TIGAR: variants seen among roughly 807,000 people sequenced by gnomAD.
The protein encoded by TIGAR is TP53 induced glycolysis regulatory phosphatase.
A neutral mutation model predicts 17.9 loss-of-function variants in TIGAR; 7 were observed. The ratio of observed to expected loss-of-function variants is 0.39; its 90% CI spans 0.22 to 0.73. TIGAR has a LOEUF of 0.73. Ranked by LOEUF, TIGAR falls within the 30% of genes least tolerant of loss-of-function variation. The pLI is 0.42. For synonymous variants in TIGAR, 94 were observed against 108.6 expected, an observed-to-expected ratio of 0.87 and a Z score of 0.84; for missense variants, 258 against 327.4, an observed-to-expected ratio of 0.79 and a Z score of 1.64.
In TIGAR at chr12:4,358,311, A is replaced by G. The variant is rs1864934237; in HGVS notation, c.*5620A>G. Among the ~76,000 whole-genome samples the G allele has an allele frequency of 6.6e-6, 1 of 152,014 alleles. No individual in the cohort carries two copies. The highest frequency in any genetic ancestry group is 1.5e-5 in the Non-Finnish European group (1 of 67,996). ...CCAAAAAAAAAAAAAAAGAAAAAGA[A>G]AAATCACTGAGCTACTGTATCCTCA... On this transcript the variant is annotated 3_prime_UTR_variant, in exon 6 of 6. Transcript: ENST00000179259.
rs12311149 is a variant in TIGAR, at chr12:4,330,059, G to A, written c.33-1221G>A. ...TCATATTGGCCAAATCCAGCAATCT[G>A]TATCTTGGCAGAGGTTGGCATACAG... On this transcript the variant is annotated intron_variant, in intron 1 of 5. Transcript: ENST00000179259. Among the ~76,000 whole-genome samples the A allele has an allele frequency of 7.3e-3, 1,117 of 152,232 alleles. 21 individuals carry two copies. The highest frequency in any genetic ancestry group is 0.024 in the African/African-American group (1,013 of 41,542).
chr12:4,350,785 A>G (rs1864829912), intron 4 of TIGAR, among the ~76,000 whole-genome samples: 1 of 151,954 alleles, frequency 6.6e-6, no homozygotes, highest in Admixed American at 6.6e-5. Context: ...TCAAAAAAAA[A>G]AAAAAGAAAA....
Position 4,337,160 on chromosome 12 carries a change from G to T in TIGAR, c.192G>T (p.Gln64His). Residue 64 changes from glutamine (Q) to histidine (H), a missense_variant and splice_region_variant, in exon 3 of 6, where the codon CAG becomes CAT. Physicochemically the swap from Gln to His is conservative, Grantham distance 24. Transcript: ENST00000179259. ...CCAGTGATCTCATGAGGACAAAGCA[G>T]GTACATTTATTTATTTATTTATTTT... The part of the protein sequence containing the change: ...AFSSDLMRTK[Q>H]TMHGILERSK... The T allele has an allele frequency of 6.3e-7, 1 of 1,597,748 alleles. No homozygotes were observed. The highest frequency in any genetic ancestry group is 8.6e-7 in the Non-Finnish European group (1 of 1,167,432).
chr12:4,337,198 C>T (rs113111451), intron 3 of TIGAR, 38 bp downstream of exon 3: 1 of 1,519,106 alleles, frequency 6.6e-7, no homozygotes, highest in Non-Finnish European at 9.0e-7. Context: ...GACAGAGCGT[C>T]ACTCTATGCC....
In TIGAR at chr12:4,358,602, A is replaced by C. The variant is rs544178597; in HGVS notation, c.*5911A>C. ...TCAATGTGTGTTTCCTGAGATCAAC[A>C]ATGTTCTTATATATAACCCAGAATA... On this transcript the variant is annotated 3_prime_UTR_variant, in exon 6 of 6. Coordinates refer to ENST00000179259, the MANE Select transcript of TIGAR (RefSeq NM_020375.3). Among the ~76,000 whole-genome samples the C allele has an allele frequency of 2.0e-5, 3 of 151,594 alleles. No homozygotes were observed. The highest frequency in any genetic ancestry group is 2.9e-5 in the Non-Finnish European group (2 of 68,000).
At chr12:4,347,092 T>C (rs989525093) in intron 3 of TIGAR, among the ~76,000 whole-genome samples, 8 of 152,210 alleles carry the variant, frequency 5.3e-5, no homozygotes, top group African/African-American at 1.9e-4. Flanking sequence ...TGAAGAGATA[T>C]CTGCACTCCC....
At position 4,357,828 on chromosome 12, in the gene TIGAR, G is replaced by C. The variant is rs1163250550; in HGVS notation, c.*5137G>C. 6.6e-6 allele frequency among the ~76,000 whole-genome samples: 1 copy of C among 152,214 alleles called. No homozygotes were observed. The highest frequency in any genetic ancestry group is 2.4e-5 in the African/African-American group (1 of 41,450). On this transcript the variant is annotated 3_prime_UTR_variant, in exon 6 of 6. Transcript: ENST00000179259. ...ACCAAGCAATCGCTGAGGTGGCTGG[G>C]CGTGGTGGCTCGCACCTGTAATCCC...
At chr12:4,323,221 G>A (rs1344687490) in intron 1 of TIGAR, among the ~76,000 whole-genome samples, 1 of 152,006 alleles carries the variant, frequency 6.6e-6, no homozygotes, top group South Asian at 2.1e-4. Context: ...GCTGTAGTGA[G>A]CTGTGATTGG....
intron 3 of TIGAR, among the ~76,000 whole-genome samples, chr12:4,346,496 A>G (rs906548204): frequency 6.6e-6 from 1 of 152,182 alleles, no homozygotes; most frequent in African/African-American, 2.4e-5. Flanking sequence ...TCAGCAAACC[A>G]TGGCAAGGAC....
chr12:4,352,856 G>A lies in TIGAR; in HGVS notation c.*165G>A. On this transcript the variant is annotated 3_prime_UTR_variant, in exon 6 of 6. Transcript: ENST00000179259. ...TAAAACTTTAATGGACAACCATATA[G>A]AATTAACTTATTTTGTCCAAGTACA... The A allele has an allele frequency of 1.6e-6, 1 of 613,154 alleles. No homozygotes were observed. The highest frequency in any genetic ancestry group is 2.8e-6 in the Non-Finnish European group (1 of 361,782). 38.0% of individuals were successfully genotyped at this position (613,154 alleles called of 1,614,324 possible).
intron 2 of TIGAR, among the ~76,000 whole-genome samples, chr12:4,331,733 AAG>A (rs1465233660): frequency 1.3e-5 from 2 of 152,232 alleles, no homozygotes; most frequent in Non-Finnish European, 2.9e-5. Context: ...GGTTTAAAAA[AAG>A]AACTATTTTC....
intron 2 of TIGAR, among the ~76,000 whole-genome samples, chr12:4,334,483 A>G (rs1341569181): frequency 6.6e-6 from 1 of 152,242 alleles, no homozygotes; most frequent in Non-Finnish European, 1.5e-5. Flanking sequence ...TACTCTGACA[A>G]TACCTAATAA....
At chr12:4,341,884 G>A (rs1312548787) in intron 3 of TIGAR, among the ~76,000 whole-genome samples, 1 of 152,244 alleles carries the variant, frequency 6.6e-6, no homozygotes, top group African/African-American at 2.4e-5. Flanking sequence ...AAGCTGGACG[G>A]AGAATGACTT....
chr12:4,339,957 T>C (rs1864701764), intron 3 of TIGAR, among the ~76,000 whole-genome samples: 1 of 152,236 alleles, frequency 6.6e-6, no homozygotes, highest in Non-Finnish European at 1.5e-5. Flanking sequence ...CCACAGCTTA[T>C]GTCATACTGA....
chr12:4,321,398 C>G lies in TIGAR; in HGVS notation c.32+95C>G. 1.3e-6 allele frequency: 2 copies of G among 1,544,218 alleles called. No homozygotes were observed. Among genetic ancestry groups the G allele is most frequent in the Non-Finnish European group, 1.8e-6 (2 of 1,135,700 alleles). On this transcript the variant is annotated intron_variant, in intron 1 of 5. Transcript: ENST00000179259. This position sits in a 1 kb window ranked among gnomAD's most constrained non-coding sequence, Gnocchi z 5.2. ...AACGGGTCCACCACCCTCTCCCCTCCCTGCTCGCTCCAGCCCGGGAGGGCT... is the reference window on the plus strand; with the variant it reads ...AACGGGTCCACCACCCTCTCCCCTCGCTGCTCGCTCCAGCCCGGGAGGGCT...
chr12:4,349,880 C>A lies in TIGAR; in HGVS notation c.254C>A (p.Ser85Ter). The part of the protein sequence containing the change: ...FCKDMTVKYD[S>*]RLRERKYGVV... ...AAAGATATGACGGTAAAGTATGACT[C>A]AAGACTTCGGGAAAGGGTGAGTAAC... is the stretch of plus-strand genomic sequence containing the variant. Residue 85 changes from serine (S) to a stop codon, truncating the protein, a stop_gained, in exon 4 of 6, where the codon TCA becomes TAA. Transcript: ENST00000179259. LOFTEE classifies it high-confidence loss of function. 6.4e-7 allele frequency: 1 copy of A among 1,568,752 alleles called. No individual in the cohort carries two copies. Among genetic ancestry groups the A allele is most frequent in the Non-Finnish European group, 8.6e-7 (1 of 1,163,900 alleles).
intron 3 of TIGAR, among the ~76,000 whole-genome samples, chr12:4,341,726 A>G (rs1864724502): frequency 6.6e-6 from 1 of 152,192 alleles, no homozygotes; most frequent in Admixed American, 6.5e-5. Context: ...ATCCATACCA[A>G]AACCCCATCT....
rs1864875680 is a variant in TIGAR at position 4,354,549 on chromosome 12, G to A, written c.*1858G>A. ...TCTGGAAGGAGATGGTACTGTTTTGGTGCTTTAAAAATAAATATCAAGCCA... is the reference window on the plus strand; with the variant it reads ...TCTGGAAGGAGATGGTACTGTTTTGATGCTTTAAAAATAAATATCAAGCCA... On this transcript the variant is annotated 3_prime_UTR_variant, in exon 6 of 6. Transcript: ENST00000179259. 1.3e-5 allele frequency: 2 copies of A among 151,520 alleles called. No homozygotes were observed. The highest frequency in any genetic ancestry group is 1.3e-4 in the Admixed American group (2 of 15,208). The allele number at this position is 151,520 out of a possible 1,614,324, so 9.4% of individuals were successfully genotyped here.
At chr12:4,329,378 A>ACCCATACT (rs1187467865) in intron 1 of TIGAR, among the ~76,000 whole-genome samples, 7 of 114,280 alleles carry the variant, frequency 6.1e-5, no homozygotes, top group Non-Finnish European at 8.1e-5. Flanking sequence ...TTGCTCTCTC[A>ACCCATACT]CCCATACTGG....
Sources: gnomAD v4.1 joint callset for allele counts (sites outside exome capture counted in the v4.1 genomes callset) on GRCh38, gnomAD v4.1.1 for gene constraint, Gnocchi (gnomAD v3.1) non-coding constraint, MANE v1.5 for transcripts, NCBI Gene and HGNC (gene_info 2026-07-23, HGNC 2026-07-21) for gene names.